Variants in PRELID2 observed in about 807,000 individuals in gnomAD.
The protein encoded by PRELID2 is PRELI domain containing 2.
PRELID2 carries 25 observed loss-of-function variants against 28.4 expected under a neutral mutation model. The observed-to-expected ratio is 0.88, with a 90% CI of 0.64 to 1.23. PRELID2 has a LOEUF of 1.23. Among genes scored for constraint, PRELID2 ranks in the 50% most tolerant of loss-of-function variants. The probability of loss-of-function intolerance (pLI) is 0.00; values close to 1 mark genes in which losing one functional copy is unlikely to be tolerated. For synonymous variants in PRELID2, 76 were observed against 71.6 expected, an observed-to-expected ratio of 1.06 and a Z score of -0.31; for missense variants, 201 against 214.4, an observed-to-expected ratio of 0.94 and a Z score of 0.39.
intron 1 of PRELID2, among the ~76,000 whole-genome samples, chr5:145,661,817 G>A (rs1197168500): frequency 2.0e-5 from 3 of 152,054 alleles, no homozygotes; most frequent in Admixed American, 6.6e-5. Context: ...CCAGGATACT[G>A]CTGGGTGAGT....
the PRELID2 span, among the ~76,000 whole-genome samples, chr5:145,407,187 T>C: frequency 1.3e-5 from 2 of 152,196 alleles, no homozygotes; most frequent in Non-Finnish European, 2.9e-5. Context: ...CCCTTCTTGC[T>C]TTCTCAGCAG....
rs115907172 is a variant in PRELID2 at position 145,630,318 on chromosome 5, T to A, written n.70+134613A>T. Among the ~76,000 whole-genome samples the A allele has an allele frequency of 6.5e-3, 997 of 152,254 alleles. 12 individuals carry two copies. The highest frequency in any genetic ancestry group is 0.023 in the African/African-American group (965 of 41,550). On this transcript the variant is annotated intron_variant and non_coding_transcript_variant, in intron 1 of 2. Coordinates refer to the PRELID2 transcript ENST00000510259. ...TTGGGAAGAAACAGCACTGGGTGAC[T>A]ATGGGAGAGGAACTGGGTGACTGGA...
intron 4 of PRELID2, among the ~76,000 whole-genome samples, chr5:145,805,147 G>C (rs1332005803): frequency 6.6e-6 from 1 of 152,106 alleles, no homozygotes; most frequent in Admixed American, 6.6e-5. Flanking sequence ...TTTCCTAAGA[G>C]CAGAAAATGC....
intron 1 of PRELID2, among the ~76,000 whole-genome samples, chr5:145,706,010 AG>A (rs1755538261): frequency 6.6e-6 from 1 of 152,102 alleles, no homozygotes; most frequent in Non-Finnish European, 1.5e-5. Context: ...AAAGAAAAAA[AG>A]TTTATCTTAA....
At chr5:145,417,077 C>G in the PRELID2 span, among the ~76,000 whole-genome samples, 18 of 152,104 alleles carry the variant, frequency 1.2e-4, no homozygotes, top group South Asian at 4.2e-4. Flanking sequence ...GGAGATATCA[C>G]CACTGACCCC....
the PRELID2 span, chr5:145,229,299 T>C: frequency 2.4e-5 from 18 of 749,584 alleles, no homozygotes; most frequent in East Asian, 4.3e-4. Flanking sequence ...AGTGACCTGA[T>C]GGAATATGCA....
chr5:145,619,645 C>T (rs1335483173), intron 1 of PRELID2, among the ~76,000 whole-genome samples: 1 of 152,178 alleles, frequency 6.6e-6, no homozygotes, highest in Non-Finnish European at 1.5e-5. Flanking sequence ...CATTCTGGAG[C>T]TAAAATTCAT....
intron 1 of PRELID2, among the ~76,000 whole-genome samples, chr5:145,479,065 A>G (rs931486987): frequency 1.3e-5 from 2 of 152,176 alleles, no homozygotes; most frequent in Admixed American, 1.3e-4. Flanking sequence ...TAAGGACTCC[A>G]TTGGCCAGGA....
chr5:145,762,809 A>C (rs1757536434), intron 6 of PRELID2, among the ~76,000 whole-genome samples: 1 of 152,192 alleles, frequency 6.6e-6, no homozygotes, highest in Non-Finnish European at 1.5e-5. Context: ...TCTTCCTATT[A>C]ATCAAAAGTT....
intron 1 of PRELID2, among the ~76,000 whole-genome samples, chr5:145,666,048 A>G (rs967785240): frequency 6.6e-6 from 1 of 151,756 alleles, no homozygotes; most frequent in African/African-American, 2.4e-5. Context: ...GTTAACAAAA[A>G]TTTGGAGATA....
At chr5:145,294,699 G>A in the PRELID2 span, among the ~76,000 whole-genome samples, 1 of 152,076 alleles carries the variant, frequency 6.6e-6, no homozygotes, top group African/African-American at 2.4e-5. Context: ...TAAGAAACTT[G>A]TTTACTTGGA....
At position 145,739,121 on chromosome 5, in the gene PRELID2, G is replaced by A. The variant is rs1387595008; in HGVS notation, n.70+25810C>T. Among the ~76,000 whole-genome samples the A allele has an allele frequency of 2.0e-5, 3 of 152,142 alleles. No individual in the cohort carries two copies. In the East Asian group the frequency reaches 5.8e-4, roughly 29 times the overall value. ...AGAGGAAATCAAGACACTTTCAGAT[G>A]ATGAAAAACTGAAAAAATTAGTCAC... On this transcript the variant is annotated intron_variant and non_coding_transcript_variant, in intron 1 of 2. Transcript: ENST00000510259.
chr5:145,620,635 C>G (rs1006554069), intron 1 of PRELID2, among the ~76,000 whole-genome samples: 2 of 152,084 alleles, frequency 1.3e-5, no homozygotes, highest in African/African-American at 4.8e-5. Flanking sequence ...ATTTGGGAGG[C>G]CAATGAAGGC....
At chr5:145,272,709 G>A in the PRELID2 span, among the ~76,000 whole-genome samples, 4 of 152,114 alleles carry the variant, frequency 2.6e-5, no homozygotes, top group Admixed American at 1.3e-4. Flanking sequence ...GTTCAAATGT[G>A]TTTATTATAT....
At position 145,716,976 on chromosome 5, in the gene PRELID2, A is replaced by C. The variant is rs537015612; in HGVS notation, n.70+47955T>G. Among the ~76,000 whole-genome samples, 47 of 152,314 alleles carry C rather than the reference A, an allele frequency of 3.1e-4. No homozygotes were observed. The South Asian group carries it at 9.5e-3, about 31-fold the overall frequency. On this transcript the variant is annotated intron_variant and non_coding_transcript_variant, in intron 1 of 2. Coordinates refer to the PRELID2 transcript ENST00000510259. Reference sequence around the variant, plus strand: ...GACTGACACAACTCATATACCCATCAATAATGGAATGCGTGAATAAAGTAT... The same window carrying C: ...GACTGACACAACTCATATACCCATCCATAATGGAATGCGTGAATAAAGTAT...
intron 1 of PRELID2, among the ~76,000 whole-genome samples, chr5:145,657,706 T>C (rs1266626547): frequency 2.0e-5 from 3 of 151,796 alleles, no homozygotes; most frequent in East Asian, 3.9e-4. Flanking sequence ...AGAAAGAAAG[T>C]GAAATGAGCC....
intron 1 of PRELID2, among the ~76,000 whole-genome samples, chr5:145,497,479 G>A (rs1450138785): frequency 6.6e-6 from 1 of 152,058 alleles, no homozygotes; most frequent in Non-Finnish European, 1.5e-5. Context: ...TGTCTCTGGG[G>A]AAATTTCTAC....
In PRELID2 at chr5:145,650,531, CATATATATATATAT is replaced by C. The variant is rs56324486; in HGVS notation, n.70+114386_70+114399del. On this transcript the variant is annotated intron_variant and non_coding_transcript_variant, in intron 1 of 2. Transcript: ENST00000510259. ...GAGCATATCGAATCGCACATATATA[CATATATATATATAT>C]ATATATATATATATATATATATATA... Among the ~76,000 whole-genome samples, 154 of 68,708 alleles carry C rather than the reference CATATATATATATAT, an allele frequency of 2.2e-3. 3 individuals are homozygous for C. Among genetic ancestry groups the C allele is most frequent in the East Asian group, 0.015 (30 of 1,942 alleles). 45.1% of individuals were successfully genotyped at this position (68,708 alleles called of 152,430 possible). A position where few individuals can be genotyped will look rare whatever the true frequency, so the allele number is the denominator to read the frequency against.
At chr5:145,641,477 T>C (rs1207716516) in intron 1 of PRELID2, among the ~76,000 whole-genome samples, 1 of 152,172 alleles carries the variant, frequency 6.6e-6, no homozygotes, top group African/African-American at 2.4e-5. Flanking sequence ...AAATTGACAA[T>C]ACCAGTGTTA....
Sources: allele counts gnomAD v4.1 joint callset (sites outside exome capture counted in the v4.1 genomes callset), GRCh38; gene constraint gnomAD v4.1.1; transcripts MANE v1.5; gene names NCBI Gene and HGNC (gene_info 2026-07-23, HGNC 2026-07-21).